Variants in PDE4D observed in about 807,000 individuals in gnomAD.
The protein encoded by PDE4D is phosphodiesterase 4D.
In PDE4D, 24 loss-of-function variants were observed where a neutral mutation model predicts 87.4. That is an observed-to-expected ratio of 0.27 (90% confidence interval 0.20 to 0.39). PDE4D has a LOEUF of 0.39. Among genes scored for constraint, PDE4D ranks in the 10% least tolerant of loss-of-function variants. The probability of loss-of-function intolerance (pLI) is 1.00; values close to 1 mark genes in which losing one functional copy is unlikely to be tolerated. For missense variants in PDE4D, 714 were observed against 1,041.0 expected, an observed-to-expected ratio of 0.69 and a Z score of 4.32; for synonymous variants, 384 against 383.2, an observed-to-expected ratio of 1.00 and a Z score of -0.02.
At chr5:59,866,979 A>G (rs915662581) in intron 1 of PDE4D, among the ~76,000 whole-genome samples, 1 of 152,214 alleles carries the variant, frequency 6.6e-6, no homozygotes, top group Non-Finnish European at 1.5e-5. Flanking sequence ...AATCTTAATA[A>G]AAGTCCTCCT....
chr5:60,190,065 G>A (rs1396802249), intron 1 of PDE4D, among the ~76,000 whole-genome samples: 2 of 152,186 alleles, frequency 1.3e-5, no homozygotes, highest in East Asian at 1.9e-4. Flanking sequence ...AAAAAGAGAA[G>A]CTTGATCACA....
intron 1 of PDE4D, among the ~76,000 whole-genome samples, chr5:60,502,188 A>G (rs958750684): frequency 1.3e-5 from 2 of 152,124 alleles, no homozygotes; most frequent in African/African-American, 4.8e-5. Flanking sequence ...TATAAGGTGT[A>G]AGGAAGGGAT....
At position 60,237,273 on chromosome 5, in the gene PDE4D, G is replaced by A. The variant is rs187921746; in HGVS notation, c.-89-51586C>T. ...ACCATATGACCCCATAATTCACTCT[G>A]AAGCATTTATCCCAGAGAAAAAGAA... On this transcript the variant is annotated intron_variant, in intron 1 of 16. Coordinates refer to the PDE4D transcript ENST00000502484. Among the ~76,000 whole-genome samples, 48 of 152,098 alleles carry A rather than the reference G, an allele frequency of 3.2e-4. 1 individual carries two copies. Among genetic ancestry groups the A allele is most frequent in the African/African-American group, 1.1e-3 (47 of 41,530 alleles).
chr5:59,732,582 G>A (rs979441572), intron 1 of PDE4D, among the ~76,000 whole-genome samples: 2 of 152,004 alleles, frequency 1.3e-5, no homozygotes, highest in African/African-American at 4.8e-5. Flanking sequence ...ATGGAAGAAG[G>A]AATGGAAAAC....
At chr5:59,565,944 C>T (rs573662427) in intron 1 of PDE4D, among the ~76,000 whole-genome samples, 5 of 152,134 alleles carry the variant, frequency 3.3e-5, no homozygotes, top group South Asian at 4.2e-4. Context: ...TTAAAAGAGA[C>T]TCAATGAAAC....
chr5:60,115,387 T>G (rs1778078798), intron 2 of PDE4D, among the ~76,000 whole-genome samples: 1 of 152,082 alleles, frequency 6.6e-6, no homozygotes, highest in Non-Finnish European at 1.5e-5. Context: ...CAGGGTGTCA[T>G]GAACAAAAAA....
intron 1 of PDE4D, among the ~76,000 whole-genome samples, chr5:59,314,998 G>T (rs567452832): frequency 2.6e-5 from 4 of 152,246 alleles, no homozygotes; most frequent in African/African-American, 4.8e-5. Context: ...TGCCTTGTTG[G>T]GGGGAAAGAG....
chr5:59,500,577 G>A (rs973841184), intron 1 of PDE4D, among the ~76,000 whole-genome samples: 2 of 152,058 alleles, frequency 1.3e-5, no homozygotes, highest in African/African-American at 2.4e-5. Flanking sequence ...ACACAAATAT[G>A]GAAACACTGA....
chr5:60,288,668 T>C (rs1397271827), intron 1 of PDE4D, among the ~76,000 whole-genome samples: 5 of 152,252 alleles, frequency 3.3e-5, no homozygotes, highest in African/African-American at 1.2e-4. Context: ...GACTTCAAAA[T>C]GCAACACTCA....
At position 60,317,479 on chromosome 5, in the gene PDE4D, T is replaced by C. The variant is rs567805750; in HGVS notation, c.-89-131792A>G. 6.6e-5 allele frequency among the ~76,000 whole-genome samples: 10 copies of C among 151,970 alleles called. No individual in the cohort carries two copies. In the South Asian group the frequency reaches 1.5e-3, roughly 22 times the overall value. On this transcript the variant is annotated intron_variant, in intron 1 of 16. Coordinates refer to the PDE4D transcript ENST00000502484. ...ATTTTTTGAAGGGTTTTTTGTGTCT[T>C]TATTTCCTTCAGTTCTGTTCTGATC...
Position 59,393,671 on chromosome 5 carries a change from C to T in PDE4D, c.456-177703G>A, listed in dbSNP as rs112640212. On this transcript the variant is annotated intron_variant, in intron 1 of 14. Coordinates refer to ENST00000340635, the MANE Select transcript of PDE4D (RefSeq NM_001104631.2). ...CCAAACAATATACTTTGTGAATCCTCTGAGAAAAAAGAAAGTAGTTTGATC... is the reference window on the plus strand; with the variant it reads ...CCAAACAATATACTTTGTGAATCCTTTGAGAAAAAAGAAAGTAGTTTGATC... Among the ~76,000 whole-genome samples the T allele has an allele frequency of 3.3e-3, 505 of 152,238 alleles. 2 individuals carry two copies. Among genetic ancestry groups the T allele is most frequent in the African/African-American group, 0.012 (483 of 41,550 alleles).
chr5:59,647,614 G>A (rs1193007486), intron 1 of PDE4D, among the ~76,000 whole-genome samples: 1 of 152,046 alleles, frequency 6.6e-6, no homozygotes, highest in East Asian at 1.9e-4. Flanking sequence ...GGAGATAACT[G>A]CAGATAAGAC....
chr5:60,021,282 C>A (rs1766040139), intron 2 of PDE4D: 1 of 152,186 alleles, frequency 6.6e-6, no homozygotes, highest in South Asian at 2.1e-4. Flanking sequence ...CAATGACATG[C>A]AACAAGAACA....
intron 1 of PDE4D, among the ~76,000 whole-genome samples, chr5:60,513,983 T>C (rs867023870): frequency 6.6e-6 from 1 of 151,268 alleles, no homozygotes; most frequent in Non-Finnish European, 1.5e-5. Flanking sequence ...GAAATGATAA[T>C]ATAAGAATAG....
At chr5:59,792,739 A>G (rs1458166431) in intron 1 of PDE4D, among the ~76,000 whole-genome samples, 5 of 152,222 alleles carry the variant, frequency 3.3e-5, no homozygotes, top group African/African-American at 1.2e-4. Flanking sequence ...TGGGTTTGGC[A>G]TCATGTAAAC....
At chr5:59,316,344 T>C (rs1026300414) in intron 1 of PDE4D, among the ~76,000 whole-genome samples, 1 of 152,128 alleles carries the variant, frequency 6.6e-6, no homozygotes, top group Non-Finnish European at 1.5e-5. Context: ...ACTACCTGGG[T>C]TCCTTTAGTC....
intron 2 of PDE4D, among the ~76,000 whole-genome samples, chr5:60,042,042 G>A (rs1768576971): frequency 6.6e-6 from 1 of 152,108 alleles, no homozygotes; most frequent in African/African-American, 2.4e-5. Flanking sequence ...AGCCCAGCAA[G>A]CTAAGATCCA....
At chr5:59,410,269 CT>C (rs1369719064) in intron 1 of PDE4D, among the ~76,000 whole-genome samples, 4 of 151,780 alleles carry the variant, frequency 2.6e-5, no homozygotes, top group Non-Finnish European at 5.9e-5. Context: ...TTGTTTTTTT[CT>C]TGAGACAGTC....
chr5:60,468,139 T>TTTTTTTTTTTTTTTG (rs1561288697), intron 1 of PDE4D, among the ~76,000 whole-genome samples: 1 of 145,444 alleles, frequency 6.9e-6, no homozygotes, highest in African/African-American at 2.7e-5. Flanking sequence ...TCTTTTTTCT[T>TTTTTTTTTTTTTTTG]TTTTTTTTGT....
Sources: allele counts gnomAD v4.1 joint callset (sites outside exome capture counted in the v4.1 genomes callset), GRCh38; gene constraint gnomAD v4.1.1; transcripts MANE v1.5; gene names NCBI Gene and HGNC (gene_info 2026-07-23, HGNC 2026-07-21).